Variants in VEPH1 observed in about 807,000 individuals in gnomAD.
VEPH1 encodes the protein ventricular zone-expressed PH domain-containing protein homolog 1.
VEPH1 carries 80 observed loss-of-function variants against 85.2 expected under a neutral mutation model. The observed-to-expected ratio is 0.94, with a 90% CI of 0.78 to 1.13. The LOEUF (loss-of-function observed/expected upper bound fraction) is 1.13. VEPH1 is among the 50% of genes most tolerant of loss of function. The pLI is 0.00. For missense variants in VEPH1, 955 were observed against 980.5 expected (o/e 0.97, Z 0.35); for synonymous variants, 297 against 348.0 (o/e 0.85, Z 1.63).
chr3:157,369,190 A>AACAAAC (rs1553773081), intron 7 of VEPH1, among the ~76,000 whole-genome samples: 1 of 145,272 alleles, frequency 6.9e-6, no homozygotes, highest in African/African-American at 2.5e-5. Context: ...GAAAAAAAAA[A>AACAAAC]AAAAAAAAAA....
intron 4 of VEPH1, chr3:157,437,672 A>C: frequency 1.3e-6 from 2 of 1,538,448 alleles, no homozygotes; most frequent in Non-Finnish European, 1.7e-6. Flanking sequence ...CGGCTCGCGG[A>C]AAGCCTGGCG....
At chr3:157,353,624 GT>G (rs1389600272) in intron 9 of VEPH1, among the ~76,000 whole-genome samples, 17 of 136,752 alleles carry the variant, frequency 1.2e-4, no homozygotes, top group East Asian at 4.0e-4. Flanking sequence ...CCTTCTAGAA[GT>G]TTCCCCCCTC....
intron 9 of VEPH1, among the ~76,000 whole-genome samples, chr3:157,356,217 A>G (rs1725411410): frequency 1.3e-5 from 2 of 151,912 alleles, no homozygotes; most frequent in Admixed American, 1.3e-4. Flanking sequence ...TTTTATAAGA[A>G]AAACAAACAA....
intron 11 of VEPH1, among the ~76,000 whole-genome samples, chr3:157,287,740 T>C (rs1224901915): frequency 6.6e-6 from 1 of 152,008 alleles, no homozygotes; most frequent in Non-Finnish European, 1.5e-5. Flanking sequence ...AATTTTTGTA[T>C]ATCTAGTAGA....
At chr3:157,477,913 A>G (rs778332521) in intron 2 of VEPH1, among the ~76,000 whole-genome samples, 4 of 152,178 alleles carry the variant, frequency 2.6e-5, no homozygotes, top group Non-Finnish European at 5.9e-5. Flanking sequence ...CCTTAGAACA[A>G]GAGATCAATC....
intron 11 of VEPH1, among the ~76,000 whole-genome samples, chr3:157,311,673 T>C (rs1457522670): frequency 1.3e-5 from 2 of 152,222 alleles, no homozygotes; most frequent in Admixed American, 6.5e-5. Flanking sequence ...TAAGTATACT[T>C]GTGAGTATGC....
chr3:157,474,826 A>G (rs1380268281), intron 2 of VEPH1, among the ~76,000 whole-genome samples: 2 of 152,128 alleles, frequency 1.3e-5, no homozygotes, highest in Non-Finnish European at 2.9e-5. Flanking sequence ...GGTGTTAAAA[A>G]AAAAAAGAAA....
In VEPH1 at chr3:157,363,779, G is replaced by A. The variant is rs866376693; in HGVS notation, c.1338-18C>T. Reference sequence around the variant, plus strand: ...TTTTTGACCTAGAGTTCAAACAAAGGGAAAGTTAAAGAAGTTGTGTTACCA... The same window carrying A: ...TTTTTGACCTAGAGTTCAAACAAAGAGAAAGTTAAAGAAGTTGTGTTACCA... On this transcript the variant is annotated intron_variant, in intron 8 of 13. Coordinates refer to ENST00000362010, the MANE Select transcript of VEPH1 (RefSeq NM_001167912.2). 1 of 1,601,476 alleles carries A rather than the reference G, an allele frequency of 6.2e-7. No individual in the cohort carries two copies. The highest frequency in any genetic ancestry group is 1.1e-5 in the South Asian group (1 of 89,650).
chr3:157,390,503 TA>T (rs895953812), intron 6 of VEPH1, among the ~76,000 whole-genome samples: 3 of 152,366 alleles, frequency 2.0e-5, no homozygotes, highest in Admixed American at 2.0e-4. Flanking sequence ...GACCATTTTT[TA>T]AAAAACACCT....
At chr3:157,332,081 C>A (rs926112926) in intron 9 of VEPH1, among the ~76,000 whole-genome samples, 2 of 152,188 alleles carry the variant, frequency 1.3e-5, no homozygotes, top group Non-Finnish European at 1.5e-5. Context: ...ATGGTGCTTG[C>A]GGCTACTGCT....
At chr3:157,390,865 C>T (rs143798859) in intron 6 of VEPH1, among the ~76,000 whole-genome samples, 2 of 152,362 alleles carry the variant, frequency 1.3e-5, no homozygotes, top group Non-Finnish European at 2.9e-5. Context: ...AGAGCTGTGA[C>T]ACGCTGTAAC....
intron 6 of VEPH1, among the ~76,000 whole-genome samples, chr3:157,401,698 A>C (rs766090863): frequency 6.6e-6 from 1 of 151,462 alleles, no homozygotes; most frequent in Non-Finnish European, 1.5e-5. Flanking sequence ...AAACCTTCTA[A>C]CACTCCCTAT....
chr3:157,277,409 GC>G lies in VEPH1; in HGVS notation c.2128+9147del, dbSNP rs1715536406. 5.3e-5 allele frequency among the ~76,000 whole-genome samples: 8 copies of G among 152,284 alleles called. No homozygotes were observed. The South Asian group carries it at 1.7e-3, about 32-fold the overall frequency. ...GAAAAAATAGATCTGACAAGCTTGT[GC>G]CCCGTCTGTGATAAGGAGGACCAAC... On this transcript the variant is annotated intron_variant, in intron 12 of 13. Transcript: ENST00000362010.
intron 6 of VEPH1, among the ~76,000 whole-genome samples, chr3:157,384,780 G>C (rs1327795003): frequency 6.6e-6 from 1 of 152,164 alleles, no homozygotes; most frequent in Non-Finnish European, 1.5e-5. Context: ...TGTGATTTTG[G>C]ATTAGAAAGT....
rs148204693 is a variant in VEPH1 at position 157,387,069 on chromosome 3, A to G, written c.907-5693T>C. Among the ~76,000 whole-genome samples the G allele has an allele frequency of 4.0e-3, 603 of 152,328 alleles. 2 individuals are homozygous for G. The highest frequency in any genetic ancestry group is 7.0e-3 in the Admixed American group (107 of 15,310). On this transcript the variant is annotated intron_variant, in intron 6 of 13. Coordinates refer to ENST00000362010, the MANE Select transcript of VEPH1 (RefSeq NM_001167912.2). ...GTCAGATGGTCTCTTGTTGTGGGAA[A>G]AGAGCTAAAAGCAATAAGTAAATTA...
At chr3:157,438,029 GCGCGCGCGCACACA>G in intron 4 of VEPH1, 1 of 844,942 alleles carries the variant, frequency 1.2e-6, no homozygotes, top group Non-Finnish European at 1.7e-6. Context: ...AAGCGCGCGC[GCGCGCGCGCACACA>G]CACACACACA....
intron 7 of VEPH1, among the ~76,000 whole-genome samples, chr3:157,372,634 G>C (rs1727635552): frequency 6.6e-6 from 1 of 152,152 alleles, no homozygotes; most frequent in South Asian, 2.1e-4. Context: ...GTATTAAAGA[G>C]AGCTCTCAGA....
chr3:157,468,908 TA>T (rs1736649647), intron 3 of VEPH1, among the ~76,000 whole-genome samples: 1 of 152,170 alleles, frequency 6.6e-6, no homozygotes, highest in Non-Finnish European at 1.5e-5. Context: ...CGAGAACATT[TA>T]AAATTACATA....
At chr3:157,340,571 C>A (rs923479152) in intron 9 of VEPH1, among the ~76,000 whole-genome samples, 24 of 152,210 alleles carry the variant, frequency 1.6e-4, no homozygotes, top group Admixed American at 1.2e-3. Flanking sequence ...GAAGGCCTAC[C>A]TGCCTCTGTA....
Sources: allele counts gnomAD v4.1 joint callset (sites outside exome capture counted in the v4.1 genomes callset), GRCh38; gene constraint gnomAD v4.1.1; transcripts MANE v1.5; gene names NCBI Gene and HGNC (gene_info 2026-07-23, HGNC 2026-07-21).